Variants in ZDHHC17 observed in about 807,000 individuals in gnomAD.
ZDHHC17 encodes the protein palmitoyltransferase ZDHHC17.
In ZDHHC17, 40 loss-of-function variants were observed where a neutral mutation model predicts 90.3. That is an observed-to-expected ratio of 0.44 (90% CI 0.34 to 0.58). The LOEUF is 0.58. Ranked by LOEUF, ZDHHC17 falls within the 20% of genes least tolerant of loss-of-function variation. ZDHHC17 has a pLI of 0.01. For missense variants in ZDHHC17, 614 were observed against 780.8 expected, an observed-to-expected ratio of 0.79 and a Z score of 2.55; for synonymous variants, 235 against 252.4, an observed-to-expected ratio of 0.93 and a Z score of 0.65.
chr12:76,819,473 T>TA (rs1411113269), intron 7 of ZDHHC17, among the ~76,000 whole-genome samples: 1 of 152,192 alleles, frequency 6.6e-6, no homozygotes, highest in African/African-American at 2.4e-5. Flanking sequence ...TTAATAGCTA[T>TA]AAAAAGTTAT....
chr12:76,777,177 G>A (rs961091300), intron 1 of ZDHHC17, among the ~76,000 whole-genome samples: 6 of 152,092 alleles, frequency 3.9e-5, no homozygotes, highest in Admixed American at 3.3e-4. Flanking sequence ...ATACCCATGT[G>A]GTCTTCCTTC....
rs781067803 is a variant in ZDHHC17, at chr12:76,815,981, C to G, written c.733C>G (p.Leu245Val). Residue 245 changes from leucine to valine, a missense_variant, in exon 7 of 17, where the codon CTG becomes GTG. Leu to Val is a conservative substitution (Grantham distance 32). Coordinates refer to ENST00000426126, the MANE Select transcript of ZDHHC17 (RefSeq NM_015336.4). Reference sequence around the variant, plus strand: ...GAATACCACAGTCATTAGCCTTCTTCTGGAAGCTGGAGCTAATGTTGATGC... The same window carrying G: ...GAATACCACAGTCATTAGCCTTCTTGTGGAAGCTGGAGCTAATGTTGATGC... Reference protein sequence around the residue: ...AGNTTVISLLLEAGANVDAQN... With the variant: ...AGNTTVISLLVEAGANVDAQN... 1.9e-6 allele frequency: 3 copies of G among 1,567,346 alleles called. No homozygotes were observed. The African/African-American group carries it at 4.1e-5, about 21-fold the overall frequency.
At chr12:76,779,687 T>G (rs1300774728) in intron 1 of ZDHHC17, among the ~76,000 whole-genome samples, 1 of 152,212 alleles carries the variant, frequency 6.6e-6, no homozygotes, top group Non-Finnish European at 1.5e-5. Flanking sequence ...TGAAGTCTAT[T>G]CGACCAATTT....
At position 76,849,399 on chromosome 12, in the gene ZDHHC17, A is replaced by C. The variant is rs1953537154; in HGVS notation, c.1689A>C (p.Thr563=). 1 of 1,544,024 alleles carries C rather than the reference A, an allele frequency of 6.5e-7. No individual in the cohort carries two copies. The highest frequency in any genetic ancestry group is 1.4e-5 in the African/African-American group (1 of 72,614). ...AGATATCATGTTTAGGTATTACTAC[A>C]AATGAAAGAATGAATGCCAGGAGAT... ...MYQISCLGIT[T]NERMNARRYK... is the part of the protein sequence containing the mutation. Residue 563 remains threonine (T), a synonymous_variant, in exon 16 of 17, where the codon ACA becomes ACC. Transcript: ENST00000426126.
At chr12:76,770,125 A>G (rs182377718) in intron 1 of ZDHHC17, among the ~76,000 whole-genome samples, 32 of 152,302 alleles carry the variant, frequency 2.1e-4, no homozygotes, top group African/African-American at 7.5e-4. Flanking sequence ...CTACTTTATG[A>G]GGCTGTTGTG....
Position 76,851,487 on chromosome 12 carries a change from T to C in ZDHHC17, c.*502T>C, listed in dbSNP as rs1489816097. ...GTACACATAAATACTGTGATGAAAA[T>C]CATGTGATTGGGATCTACTGTGATG... is the stretch of plus-strand genomic sequence containing the variant. On this transcript the variant is annotated 3_prime_UTR_variant, in exon 17 of 17. Coordinates refer to ENST00000426126, the MANE Select transcript of ZDHHC17 (RefSeq NM_015336.4). The C allele has an allele frequency of 6.5e-6, 1 of 154,290 alleles. No individual in the cohort carries two copies. The highest frequency in any genetic ancestry group is 1.9e-4 in the East Asian group (1 of 5,216). The allele number at this position is 154,290 out of a possible 1,614,324, so 9.6% of individuals were successfully genotyped here.
chr12:76,850,063 G>C (rs1264764633), intron 16 of ZDHHC17, among the ~76,000 whole-genome samples: 3 of 152,124 alleles, frequency 2.0e-5, no homozygotes, highest in Non-Finnish European at 4.4e-5. Context: ...GGGATTACAG[G>C]CATGCACCAC....
At chr12:76,796,163 T>C (rs1305878522) in intron 1 of ZDHHC17, among the ~76,000 whole-genome samples, 1 of 152,162 alleles carries the variant, frequency 6.6e-6, no homozygotes, top group Admixed American at 6.5e-5. Context: ...TACTCTCAAC[T>C]TGGTATGATT....
At chr12:76,771,068 G>C (rs73144881) in intron 1 of ZDHHC17, among the ~76,000 whole-genome samples, 3,948 of 152,034 alleles carry the variant, frequency 0.026, 59 homozygotes, top group Middle Eastern at 0.065. Flanking sequence ...TTTATGAATA[G>C]ATTTTATTAC....
chr12:76,787,982 A>T (rs897907075), intron 1 of ZDHHC17, among the ~76,000 whole-genome samples: 1 of 152,208 alleles, frequency 6.6e-6, no homozygotes, highest in Non-Finnish European at 1.5e-5. Flanking sequence ...AGGCTGAGAC[A>T]GGAGGATTGC....
chr12:76,824,489 T>C (rs935108350), intron 8 of ZDHHC17, among the ~76,000 whole-genome samples: 2 of 152,164 alleles, frequency 1.3e-5, no homozygotes, highest in Admixed American at 1.3e-4. Flanking sequence ...CCATGTCACA[T>C]TGGAAAAGTT....
intron 3 of ZDHHC17, among the ~76,000 whole-genome samples, chr12:76,806,392 C>G (rs569022864): frequency 3.3e-5 from 5 of 152,240 alleles, no homozygotes; most frequent in African/African-American, 9.6e-5. Context: ...AATTCTCCTG[C>G]CTCAGCCTCC....
intron 1 of ZDHHC17, among the ~76,000 whole-genome samples, chr12:76,773,011 C>T (rs1952514420): frequency 6.6e-6 from 1 of 152,114 alleles, no homozygotes; most frequent in Non-Finnish European, 1.5e-5. Flanking sequence ...CACGTGCCAC[C>T]ACGCCCTGCT....
intron 12 of ZDHHC17, among the ~76,000 whole-genome samples, chr12:76,843,599 CAT>C (rs1422112157): frequency 6.6e-6 from 1 of 151,904 alleles, no homozygotes; most frequent in Non-Finnish European, 1.5e-5. Flanking sequence ...TTATTATAGA[CAT>C]TAATTTTCTG....
chr12:76,764,436 G>A, intron 1 of ZDHHC17, 107 bp downstream of exon 1: 1 of 1,077,440 alleles, frequency 9.3e-7, no homozygotes, highest in Non-Finnish European at 1.3e-6. Flanking sequence ...GGGACGTGCC[G>A]AAGTTGGGGA....
intron 1 of ZDHHC17, among the ~76,000 whole-genome samples, chr12:76,786,304 C>T (rs947378477): frequency 1.3e-5 from 2 of 151,870 alleles, no homozygotes; most frequent in African/African-American, 4.8e-5. Flanking sequence ...ATTTTTGAGA[C>T]AGAGTCTTGC....
intron 3 of ZDHHC17, among the ~76,000 whole-genome samples, chr12:76,807,384 G>C (rs1261514814): frequency 6.6e-6 from 1 of 152,052 alleles, no homozygotes; most frequent in Non-Finnish European, 1.5e-5. Context: ...CTAAATATTT[G>C]TTGGTATCAG....
At chr12:76,834,513 G>A (rs961694738) in intron 10 of ZDHHC17, among the ~76,000 whole-genome samples, 2 of 151,946 alleles carry the variant, frequency 1.3e-5, no homozygotes, top group African/African-American at 4.8e-5. Context: ...TTTTCTGTAG[G>A]TTACTTGTTA....
rs541856304 is a variant in ZDHHC17 at position 76,794,205 on chromosome 12, G to C, written c.94-3229G>C. On this transcript the variant is annotated intron_variant, in intron 1 of 16. Transcript: ENST00000426126. ...CGGCCAAATTACAGGATTTTAAAGA[G>C]TTTAATGAACTAAATATTTGTATGT... Among the ~76,000 whole-genome samples the C allele has an allele frequency of 5.9e-5, 9 of 152,044 alleles. No homozygotes were observed. The East Asian group carries it at 1.7e-3, about 29-fold the overall frequency.
Sources: gnomAD v4.1 joint callset for allele counts (sites outside exome capture counted in the v4.1 genomes callset) on GRCh38, gnomAD v4.1.1 for gene constraint, MANE v1.5 for transcripts, NCBI Gene and HGNC (gene_info 2026-07-23, HGNC 2026-07-21) for gene names.